HECW2: variants seen among roughly 807,000 people sequenced by gnomAD.
The protein encoded by HECW2 is E3 ubiquitin-protein ligase HECW2.
Under a neutral mutation model 175.2 loss-of-function variants are expected in HECW2, and 61 were observed. The observed-to-expected ratio is 0.35, with a 90% CI of 0.28 to 0.43. HECW2 has a LOEUF of 0.43. Ranked by LOEUF, HECW2 falls within the 20% of genes least tolerant of loss-of-function variation. The pLI, the probability that HECW2 is intolerant of heterozygous loss-of-function variation, is 1.00. For missense variants in HECW2, 1,524 were observed against 2,000.5 expected (o/e 0.76, Z 4.54); for synonymous variants, 671 against 731.0 (o/e 0.92, Z 1.32).
At chr2:196,296,382 G>A (rs1213363706) in intron 13 of HECW2, among the ~76,000 whole-genome samples, 17 of 152,158 alleles carry the variant, frequency 1.1e-4, no homozygotes, top group Admixed American at 1.1e-3. Context: ...ACAAAGGATG[G>A]TAAAGTAATT....
chr2:196,404,107 T>C (rs1694895251), intron 2 of HECW2, among the ~76,000 whole-genome samples: 2 of 152,212 alleles, frequency 1.3e-5, no homozygotes, highest in Admixed American at 1.3e-4. Context: ...AAAAAAGTCT[T>C]CTGTTTGAAT....
intron 1 of HECW2, among the ~76,000 whole-genome samples, chr2:196,563,561 T>A (rs1482903787): frequency 6.6e-6 from 1 of 151,566 alleles, no homozygotes; most frequent in Non-Finnish European, 1.5e-5. Flanking sequence ...AGAGTGAGAC[T>A]CTATCTCAAA....
chr2:196,307,296 C>T (rs182316411), intron 11 of HECW2, 63 bp from the exon 12 acceptor site: 13 of 1,119,902 alleles, frequency 1.2e-5, no homozygotes, highest in Middle Eastern at 2.0e-4. Context: ...CAACTGCTCC[C>T]CAAGAGTCTA....
At chr2:196,207,240 T>C (rs2105775437) in intron 28 of HECW2, among the ~76,000 whole-genome samples, 1 of 151,990 alleles carries the variant, frequency 6.6e-6, no homozygotes, top group South Asian at 2.1e-4. Flanking sequence ...ATATAGGAAA[T>C]GGGTAGAGGG....
chr2:196,411,280 C>T (rs1006906190), intron 2 of HECW2, among the ~76,000 whole-genome samples: 4 of 152,180 alleles, frequency 2.6e-5, no homozygotes, highest in African/African-American at 7.2e-5. Flanking sequence ...GTTGGGATTA[C>T]AGGCATGAGC....
At chr2:196,426,304 T>C (rs1023706714) in intron 2 of HECW2, among the ~76,000 whole-genome samples, 1 of 152,170 alleles carries the variant, frequency 6.6e-6, no homozygotes, top group Non-Finnish European at 1.5e-5. Flanking sequence ...GAAACCACAC[T>C]ATCTCTAGTT....
intron 2 of HECW2, among the ~76,000 whole-genome samples, chr2:196,395,647 G>C (rs1694638947): frequency 6.7e-6 from 1 of 149,666 alleles, no homozygotes; most frequent in African/African-American, 2.5e-5. Context: ...ATCATCATTA[G>C]GAAAATGCAA....
intron 2 of HECW2, among the ~76,000 whole-genome samples, chr2:196,416,090 T>C (rs1235950419): frequency 6.6e-6 from 1 of 152,252 alleles, no homozygotes; most frequent in Non-Finnish European, 1.5e-5. Context: ...AAAGAAATTA[T>C]GCTGAAATAT....
chr2:196,315,139 C>T (rs1034943778), intron 10 of HECW2, among the ~76,000 whole-genome samples: 8 of 119,450 alleles, frequency 6.7e-5, no homozygotes, highest in South Asian at 3.0e-4. Context: ...TCCTACAGCA[C>T]GAGTGTATGA....
intron 17 of HECW2, among the ~76,000 whole-genome samples, chr2:196,261,782 C>T (rs750308431): frequency 6.6e-6 from 1 of 152,186 alleles, no homozygotes; most frequent in Non-Finnish European, 1.5e-5. Flanking sequence ...GAGGTTTATA[C>T]ATATTTTATA....
chr2:196,433,983 A>G (rs532168258), intron 1 of HECW2, among the ~76,000 whole-genome samples: 3 of 152,296 alleles, frequency 2.0e-5, no homozygotes, highest in East Asian at 1.9e-4. Context: ...CTCTTCTCCT[A>G]AATACAGTGG....
chr2:196,300,981 T>G (rs1480826705), intron 13 of HECW2, among the ~76,000 whole-genome samples: 1 of 151,994 alleles, frequency 6.6e-6, no homozygotes, highest in Non-Finnish European at 1.5e-5. Flanking sequence ...ATCACCTAGG[T>G]ATTAGGCCCA....
chr2:196,507,118 C>T (rs986452718), intron 1 of HECW2, among the ~76,000 whole-genome samples: 1 of 149,678 alleles, frequency 6.7e-6, no homozygotes, highest in Non-Finnish European at 1.5e-5. Context: ...TACACACACA[C>T]TAACATGTGT....
chr2:196,580,573 A>G (rs1165391651), intron 1 of HECW2, among the ~76,000 whole-genome samples: 1 of 152,102 alleles, frequency 6.6e-6, no homozygotes, highest in East Asian at 1.9e-4. Flanking sequence ...AAGCACATGA[A>G]AAAATGTTCA....
intron 1 of HECW2, among the ~76,000 whole-genome samples, chr2:196,526,853 G>A (rs1426009775): frequency 2.6e-5 from 4 of 151,802 alleles, no homozygotes; most frequent in Admixed American, 1.3e-4. Context: ...CTCCAGCTGC[G>A]TGCTGGGAGA....
intron 1 of HECW2, among the ~76,000 whole-genome samples, chr2:196,444,639 A>G (rs1342036041): frequency 1.3e-5 from 2 of 152,184 alleles, no homozygotes; most frequent in African/African-American, 4.8e-5. Flanking sequence ...AACCCTTCCA[A>G]TCAAGTAAAT....
chr2:196,418,198 G>C (rs921924043), intron 2 of HECW2, among the ~76,000 whole-genome samples: 23 of 151,474 alleles, frequency 1.5e-4, no homozygotes, highest in Non-Finnish European at 2.1e-4. Context: ...GCACCATCTC[G>C]GCTCACTGCA....
chr2:196,410,203 T>G (rs1454223672), intron 2 of HECW2, among the ~76,000 whole-genome samples: 2 of 152,214 alleles, frequency 1.3e-5, no homozygotes, highest in African/African-American at 4.8e-5. Flanking sequence ...ATGCAAAGAT[T>G]TGTAAATATG....
rs1002165721 is a variant in HECW2, at chr2:196,195,527, C to T, written c.*5750G>A. 2 of 152,166 alleles carry T rather than the reference C, an allele frequency of 1.3e-5. No homozygotes were observed. Among genetic ancestry groups the T allele is most frequent in the East Asian group, 3.8e-4 (2 of 5,200 alleles). The allele number at this position is 152,166 out of a possible 1,614,324, so 9.4% of individuals were successfully genotyped here. A position where few individuals can be genotyped will look rare whatever the true frequency, so the allele number is the denominator to read the frequency against. On this transcript the variant is annotated 3_prime_UTR_variant, in exon 29 of 29. Transcript: ENST00000644978. Reference sequence around the variant, plus strand: ...GATAAAATCTAAGCAAATCTATTTCCGGTCTTGATTAACTTCCTGACTTGG... The same window carrying T: ...GATAAAATCTAAGCAAATCTATTTCTGGTCTTGATTAACTTCCTGACTTGG...
Sources: gnomAD v4.1 joint callset for allele counts (sites outside exome capture counted in the v4.1 genomes callset) on GRCh38, gnomAD v4.1.1 for gene constraint, MANE v1.5 for transcripts, NCBI Gene and HGNC (gene_info 2026-07-23, HGNC 2026-07-21) for gene names.